Variants in UBA52 observed in about 807,000 individuals in gnomAD.
The protein encoded by UBA52 is ubiquitin-ribosomal protein eL40 fusion protein.
UBA52 carries 1 observed loss-of-function variant against 15.3 expected under a neutral mutation model. The observed-to-expected ratio is 0.07, with a 90% CI of 0.02 to 0.31. The LOEUF (loss-of-function observed/expected upper bound fraction) is 0.31. Ranked by LOEUF, UBA52 falls within the 10% of genes least tolerant of loss-of-function variation. The pLI is 1.00. For synonymous variants in UBA52, 50 were observed against 58.3 expected (o/e 0.86, Z 0.65); for missense variants, 87 against 168.0 (o/e 0.52, Z 2.66).
upstream of UBA52, chr19:18,568,765 G>C: frequency 1.5e-6 from 1 of 664,376 alleles, no homozygotes; most frequent in East Asian, 2.7e-5. Context: ...AGGGGGACAA[G>C]GCTCTCTCCC....
chr19:18,571,306 G>T (rs1317961286), upstream of UBA52, among the ~76,000 whole-genome samples: 2 of 90,542 alleles, frequency 2.2e-5, no homozygotes, highest in Admixed American at 2.5e-4. Context: ...GCGAAACTCC[G>T]TCTCAAAAAA....
intron 1 of UBA52, 74 bp from the exon 2 acceptor site, chr19:18,573,219 G>C: frequency 1.4e-6 from 2 of 1,413,150 alleles, no homozygotes; most frequent in Non-Finnish European, 2.0e-6. Context: ...AGCAACTGTG[G>C]TGTAGGCACC....
chr19:18,565,833 G>A, the UBA52 span, among the ~76,000 whole-genome samples: 12 of 152,132 alleles, frequency 7.9e-5, no homozygotes, highest in Admixed American at 2.6e-4. Flanking sequence ...GACTACAGGC[G>A]CATGCTGCCA....
At chr19:18,564,187 TCTC>T in the UBA52 span, among the ~76,000 whole-genome samples, 207 of 152,006 alleles carry the variant, frequency 1.4e-3, no homozygotes, top group African/African-American at 4.9e-3. Flanking sequence ...GCCCGGCTGG[TCTC>T]CTGTTTTTTT....
At chr19:18,573,594 T>C in intron 2 of UBA52, 68 bp from the exon 3 acceptor site, 4 of 1,533,086 alleles carry the variant, frequency 2.6e-6, no homozygotes, top group Non-Finnish European at 3.6e-6. Flanking sequence ...GTGCTGGAGC[T>C]CCCCTGCAGA....
In UBA52 at chr19:18,575,383, C is replaced by T; in HGVS notation, c.*233C>T. On this transcript the variant is annotated 3_prime_UTR_variant, in exon 5 of 5. Transcript: ENST00000442744. ...TGTCACATCGGCATTGGTCCCTGCC[C>T]TATGCCCCTGACTCTGGATTTGTCA... 1 of 542,984 alleles carries T rather than the reference C, an allele frequency of 1.8e-6. No homozygotes were observed. 33.6% of individuals were successfully genotyped at this position (542,984 alleles called of 1,614,324 possible). A position where few individuals can be genotyped will look rare whatever the true frequency, so the allele number is the denominator to read the frequency against.
At chr19:18,571,610 G>C (rs1975481451), upstream of UBA52, 1 of 152,334 alleles carries the variant, frequency 6.6e-6, no homozygotes, top group African/African-American at 2.4e-5. Context: ...GCGGTTGTCA[G>C]TGGCCTAGAG....
chr19:18,564,957 C>T, the UBA52 span: 1 of 1,612,768 alleles, frequency 6.2e-7, no homozygotes, highest in Non-Finnish European at 8.5e-7. Flanking sequence ...CGAACGCTTC[C>T]TGCACCACAC....
At chr19:18,574,246 T>A (rs979468319) in intron 3 of UBA52, among the ~76,000 whole-genome samples, 7 of 152,060 alleles carry the variant, frequency 4.6e-5, no homozygotes, top group Non-Finnish European at 8.8e-5. Context: ...TGAATTTTTT[T>A]ATCACTGCAA....
chr19:18,574,334 C>A (rs1473144773), intron 3 of UBA52, among the ~76,000 whole-genome samples: 1 of 151,866 alleles, frequency 6.6e-6, no homozygotes, highest in East Asian at 1.9e-4. Context: ...TACTCTGTCA[C>A]CCAGGCTGGA....
chr19:18,564,411 G>T, the UBA52 span, among the ~76,000 whole-genome samples: 1 of 152,060 alleles, frequency 6.6e-6, no homozygotes, highest in East Asian at 1.9e-4. Flanking sequence ...CACGAGGTCA[G>T]GAGATCGAGA....
chr19:18,571,310 C>CAA (rs756456955), upstream of UBA52, among the ~76,000 whole-genome samples: 2,049 of 108,110 alleles, frequency 0.019, 46 homozygotes, highest in South Asian at 0.049. Flanking sequence ...AACTCCGTCT[C>CAA]AAAAAAAAAA....
intron 1 of UBA52, 76 bp from the exon 2 acceptor site, chr19:18,573,217 T>C: frequency 1.4e-6 from 2 of 1,393,302 alleles, no homozygotes. Context: ...ATAGCAACTG[T>C]GGTGTAGGCA....
chr19:18,565,722 C>G, the UBA52 span, among the ~76,000 whole-genome samples: 1 of 152,148 alleles, frequency 6.6e-6, no homozygotes, highest in African/African-American at 2.4e-5. Flanking sequence ...GAGTCTTGCT[C>G]TGTCGCCCAG....
intron 3 of UBA52, among the ~76,000 whole-genome samples, chr19:18,574,583 C>A (rs998704971): frequency 6.6e-6 from 1 of 152,152 alleles, no homozygotes; most frequent in Admixed American, 6.5e-5. Flanking sequence ...TTGCCTGAAC[C>A]ACTTAGAGGT....
chr19:18,569,623 C>A (rs1351002094), upstream of UBA52, among the ~76,000 whole-genome samples: 3 of 151,718 alleles, frequency 2.0e-5, no homozygotes, highest in Admixed American at 2.0e-4. Flanking sequence ...TGTTCCCATC[C>A]TCATTTCATA....
chr19:18,575,028 C>T, intron 4 of UBA52, 29 bp from the exon 5 acceptor site: 1 of 1,614,190 alleles, frequency 6.2e-7, no homozygotes, highest in Non-Finnish European at 8.5e-7. Flanking sequence ...CGGGGTATGC[C>T]CTCACCCACC....
chr19:18,567,757 C>T (rs530816280), upstream of UBA52, among the ~76,000 whole-genome samples: 202 of 152,234 alleles, frequency 1.3e-3, no homozygotes, highest in Non-Finnish European at 5.7e-4. Flanking sequence ...TTGAAAAGGC[C>T]GACAGCTCTC....
upstream of UBA52, among the ~76,000 whole-genome samples, chr19:18,569,865 C>T (rs1262442034): frequency 1.3e-5 from 2 of 152,062 alleles, no homozygotes; most frequent in Non-Finnish European, 2.9e-5. Context: ...GAAACCCCAT[C>T]TCTACCAAAA....
Sources: allele counts gnomAD v4.1 joint callset (sites outside exome capture counted in the v4.1 genomes callset), GRCh38; gene constraint gnomAD v4.1.1; transcripts MANE v1.5; gene names NCBI Gene and HGNC (gene_info 2026-07-23, HGNC 2026-07-21).